The following DOCK4 variants were observed in gnomAD, a reference collection of about 807,000 sequenced individuals.
The protein encoded by DOCK4 is dedicator of cytokinesis protein 4.
Under a neutral mutation model 268.1 loss-of-function variants are expected in DOCK4, and 97 were observed. The observed-to-expected ratio is 0.36, with a 90% CI of 0.31 to 0.43. DOCK4 has a LOEUF of 0.43. Among genes scored for constraint, DOCK4 ranks in the 20% least tolerant of loss-of-function variants. The pLI is 1.00. For missense variants in DOCK4, 2,145 were observed against 2,455.7 expected, an observed-to-expected ratio of 0.87 and a Z score of 2.67; for synonymous variants, 954 against 887.2, an observed-to-expected ratio of 1.08 and a Z score of -1.34.
chr7:111,987,135 G>T lies in DOCK4; in HGVS notation c.464+1880C>A, dbSNP rs76691688. ...AGCTCAGAAAATTCATGAAGTTGAAGATGATCTAAATAAATTATACTGCTC... is the reference window on the plus strand; with the variant it reads ...AGCTCAGAAAATTCATGAAGTTGAATATGATCTAAATAAATTATACTGCTC... On this transcript the variant is annotated intron_variant, in intron 6 of 52. Coordinates refer to ENST00000428084, the MANE Select transcript of DOCK4 (RefSeq NM_001363540.2). 5.3e-3 allele frequency among the ~76,000 whole-genome samples: 814 copies of T among 152,252 alleles called. 5 individuals are homozygous for T. Among genetic ancestry groups the T allele is most frequent in the African/African-American group, 0.018 (754 of 41,562 alleles).
intron 1 of DOCK4, among the ~76,000 whole-genome samples, chr7:112,134,227 C>G (rs1371718464): frequency 6.6e-6 from 1 of 152,138 alleles, no homozygotes; most frequent in Non-Finnish European, 1.5e-5. Context: ...AATAGCAACA[C>G]TCTTCCTCCC....
chr7:112,079,261 T>C (rs1226965525), intron 1 of DOCK4, among the ~76,000 whole-genome samples: 1 of 152,124 alleles, frequency 6.6e-6, no homozygotes, highest in African/African-American at 2.4e-5. Flanking sequence ...ACTGTGCATG[T>C]GGAAATTGAG....
intron 1 of DOCK4, among the ~76,000 whole-genome samples, chr7:112,066,699 A>ATGTGTG (rs1554433348): frequency 3.0e-5 from 1 of 32,832 alleles, no homozygotes; most frequent in African/African-American, 1.0e-4. Context: ...ACATATATAT[A>ATGTGTG]TATATATATA....
intron 52 of DOCK4, among the ~76,000 whole-genome samples, chr7:111,729,162 T>C (rs982470214): frequency 5.9e-5 from 9 of 152,196 alleles, no homozygotes; most frequent in African/African-American, 1.9e-4. Flanking sequence ...AATTTGAGTG[T>C]TGTCCTTTGT....
At chr7:111,791,671 C>G (rs140627222) in intron 30 of DOCK4, among the ~76,000 whole-genome samples, 1 of 152,136 alleles carries the variant, frequency 6.6e-6, no homozygotes, top group African/African-American at 2.4e-5. Flanking sequence ...TGGTATCAAA[C>G]TCCTGACCTC....
At chr7:111,909,223 A>G (rs1185925590) in intron 13 of DOCK4, among the ~76,000 whole-genome samples, 1 of 152,198 alleles carries the variant, frequency 6.6e-6, no homozygotes, top group African/African-American at 2.4e-5. Context: ...GGTGTGAGAT[A>G]TATCTCATTG....
chr7:111,784,553 T>G (rs1799035057), intron 32 of DOCK4: 1 of 442,630 alleles, frequency 2.3e-6, no homozygotes, highest in African/African-American at 2.0e-5. Context: ...TCATTCATTT[T>G]GTCACTAATC....
rs527708653 is a variant in DOCK4 at position 112,037,468 on chromosome 7, C to T, written c.38-33337G>A. 3.2e-4 allele frequency among the ~76,000 whole-genome samples: 49 copies of T among 152,290 alleles called. No individual in the cohort carries two copies. The South Asian group carries it at 1.0e-2, about 31-fold the overall frequency. ...TCCAGGTAATCTTCCTCCCATTCAT[C>T]TCATAGGCAACCACTGTTCTGATTT... On this transcript the variant is annotated intron_variant, in intron 1 of 52. Coordinates refer to ENST00000428084, the MANE Select transcript of DOCK4 (RefSeq NM_001363540.2).
At chr7:112,128,574 G>T (rs549790535) in intron 1 of DOCK4, among the ~76,000 whole-genome samples, 76 of 152,376 alleles carry the variant, frequency 5.0e-4, no homozygotes, top group Non-Finnish European at 6.5e-4. Flanking sequence ...TGTACTAAGA[G>T]AAATTCTTCT....
At position 111,915,892 on chromosome 7, in the gene DOCK4, G is replaced by A. The variant is rs777427577; in HGVS notation, c.1079C>T (p.Ser360Phe). 3 of 1,611,344 alleles carry A rather than the reference G, an allele frequency of 1.9e-6. No homozygotes were observed. Among genetic ancestry groups the A allele is most frequent in the East Asian group, 2.2e-5 (1 of 44,812 alleles). Reference sequence around the variant, plus strand: ...AATGTCTCCGTGCAATAGCTGTAAGGAAACTGCTAAACCTAAAACAGATGA... The same window carrying A: ...AATGTCTCCGTGCAATAGCTGTAAGAAAACTGCTAAACCTAAAACAGATGA... Reference protein sequence around the residue: ...LTGSNAGLAVSLQLLHGDIEQ... With the variant: ...LTGSNAGLAVFLQLLHGDIEQ... Residue 360 changes from serine to phenylalanine, a missense_variant, in exon 13 of 53, where the codon TCC becomes TTC. By Grantham distance (155) the Ser-to-Phe change is radical. Around this residue, in one of 2 missense-constraint regions of DOCK4, gnomAD observed 1,598 missense variants for 1,986.7 expected, o/e 0.80. Coordinates refer to ENST00000428084, the MANE Select transcript of DOCK4 (RefSeq NM_001363540.2).
chr7:111,836,637 G>A (rs918684070), intron 25 of DOCK4, among the ~76,000 whole-genome samples: 3 of 152,202 alleles, frequency 2.0e-5, no homozygotes, highest in South Asian at 2.1e-4. Context: ...AATTTTTCAG[G>A]AAGCTAGAGG....
intron 1 of DOCK4, among the ~76,000 whole-genome samples, chr7:112,081,055 G>A (rs555427759): frequency 1.3e-5 from 2 of 152,066 alleles, no homozygotes; most frequent in African/African-American, 4.8e-5. Flanking sequence ...CACAGGCCAC[G>A]GATAGGAGGC....
At chr7:111,748,229 CAAATT>C (rs1796403025) in intron 42 of DOCK4, among the ~76,000 whole-genome samples, 1 of 152,018 alleles carries the variant, frequency 6.6e-6, no homozygotes, top group African/African-American at 2.4e-5. Context: ...GGCAAGGAAA[CAAATT>C]AGAGTTTTTA....
At chr7:111,745,137 C>T (rs1271454825) in intron 44 of DOCK4, among the ~76,000 whole-genome samples, 2 of 152,212 alleles carry the variant, frequency 1.3e-5, no homozygotes, top group Non-Finnish European at 2.9e-5. Context: ...CAACAGATTA[C>T]TCATTCCAGT....
intron 1 of DOCK4, among the ~76,000 whole-genome samples, chr7:112,045,328 A>G (rs1804739272): frequency 6.6e-6 from 1 of 152,152 alleles, no homozygotes; most frequent in Non-Finnish European, 1.5e-5. Context: ...TAAAAAGGCA[A>G]CACCCTTCCA....
chr7:111,788,762 A>T lies in DOCK4; in HGVS notation c.3316-15T>A, dbSNP rs763909083. 1.3e-6 allele frequency: 2 copies of T among 1,568,628 alleles called. No homozygotes were observed. The highest frequency in any genetic ancestry group is 2.3e-5 in the East Asian group (1 of 43,458). On this transcript the variant is annotated splice_polypyrimidine_tract_variant and intron_variant, in intron 31 of 52. Transcript: ENST00000428084. ...TTGGCTTCCACCTGAAACATACCCA[A>T]CTATTATTCTCTTTCCTCCCCTTCA...
intron 9 of DOCK4, 69 bp downstream of exon 9, chr7:111,945,648 T>C: frequency 7.6e-7 from 1 of 1,311,112 alleles, no homozygotes; most frequent in South Asian, 1.4e-5. Context: ...CACAGTAATT[T>C]ATTTCTCCTA....
At chr7:111,947,335 T>C (rs1795697925) in intron 8 of DOCK4, among the ~76,000 whole-genome samples, 1 of 152,212 alleles carries the variant, frequency 6.6e-6, no homozygotes, top group African/African-American at 2.4e-5. Context: ...GTGATCTAAG[T>C]CTAGATAGAT....
chr7:112,099,672 C>T (rs138908225), intron 1 of DOCK4, among the ~76,000 whole-genome samples: 22 of 152,284 alleles, frequency 1.4e-4, no homozygotes, highest in African/African-American at 2.4e-4. Flanking sequence ...ATACACACAT[C>T]ATTCAGAAAA....
Sources: allele counts gnomAD v4.1 joint callset (sites outside exome capture counted in the v4.1 genomes callset), GRCh38; gene constraint gnomAD v4.1.1; regional missense constraint gnomAD v4.1.1; transcripts MANE v1.5; gene names NCBI Gene and HGNC (gene_info 2026-07-23, HGNC 2026-07-21).